The following SUGCT variants were observed in gnomAD, a reference collection of about 807,000 sequenced individuals.
The protein encoded by SUGCT is succinyl-CoA:glutarate-CoA transferase.
A neutral mutation model predicts 55.0 loss-of-function variants in SUGCT; 41 were observed. The observed-to-expected ratio is 0.74, with a 90% confidence interval of 0.58 to 0.97. The LOEUF (loss-of-function observed/expected upper bound fraction) is 0.97. Ranked by LOEUF, SUGCT falls within the 50% of genes least tolerant of loss-of-function variation. The pLI is 0.00. For missense variants in SUGCT, 568 were observed against 547.8 expected (o/e 1.04, Z -0.37); for synonymous variants, 187 against 200.4 (o/e 0.93, Z 0.56).
intron 12 of SUGCT, among the ~76,000 whole-genome samples, chr7:40,657,924 G>T (rs1801110522): frequency 1.3e-5 from 2 of 152,202 alleles, no homozygotes; most frequent in South Asian, 2.1e-4. Context: ...CAGCTCTTCA[G>T]TGATGGAGCT....
intron 8 of SUGCT, among the ~76,000 whole-genome samples, chr7:40,315,882 T>G (rs10227399): frequency 6.6e-6 from 1 of 151,906 alleles, no homozygotes. Flanking sequence ...CATAGTTCTG[T>G]GGTGGTGGAG....
At chr7:40,350,990 G>T (rs1218363018) in intron 9 of SUGCT, among the ~76,000 whole-genome samples, 1 of 152,052 alleles carries the variant, frequency 6.6e-6, no homozygotes, top group Admixed American at 6.6e-5. Flanking sequence ...TGGCTGCAAA[G>T]TATTCCATGG....
chr7:40,222,429 T>A (rs1788069520), intron 6 of SUGCT, among the ~76,000 whole-genome samples: 1 of 152,216 alleles, frequency 6.6e-6, no homozygotes, highest in South Asian at 2.1e-4. Flanking sequence ...AAGCTAGGTT[T>A]TGCAAAATGA....
At chr7:40,353,858 G>A (rs978812790) in intron 9 of SUGCT, among the ~76,000 whole-genome samples, 2 of 151,964 alleles carry the variant, frequency 1.3e-5, no homozygotes, top group Admixed American at 1.3e-4. Context: ...TACTGGGTTT[G>A]TTTCAGGCTC....
At chr7:40,587,807 A>T (rs13240811) in intron 12 of SUGCT, among the ~76,000 whole-genome samples, 3 of 152,048 alleles carry the variant, frequency 2.0e-5, no homozygotes, top group Non-Finnish European at 4.4e-5. Context: ...TATTTCACTT[A>T]TATAAATCAC....
chr7:40,342,856 A>G (rs1336262404), intron 9 of SUGCT, among the ~76,000 whole-genome samples: 4 of 152,034 alleles, frequency 2.6e-5, no homozygotes, highest in Non-Finnish European at 5.9e-5. Flanking sequence ...TTGGTCAGGC[A>G]GGTCTTGAAC....
At chr7:40,296,808 A>G (rs939844388) in intron 8 of SUGCT, among the ~76,000 whole-genome samples, 1 of 151,740 alleles carries the variant, frequency 6.6e-6, no homozygotes, top group African/African-American at 2.4e-5. Flanking sequence ...TTATTGTTGA[A>G]CCCACTTCTT....
rs560775303 is a variant in SUGCT at position 40,751,400 on chromosome 7, G to A, written c.1153+1903G>A. ...AAAGCCGGCGGTCAGGTTAGGAAGT[G>A]ATACAGGAGTTTAGGTGATAGTGTC... is the stretch of plus-strand genomic sequence containing the variant. On this transcript the variant is annotated intron_variant, in intron 13 of 13. Transcript: ENST00000335693. 6.6e-5 allele frequency among the ~76,000 whole-genome samples: 10 copies of A among 152,290 alleles called. No homozygotes were observed. The East Asian group carries it at 1.9e-3, about 29-fold the overall frequency.
At chr7:40,531,560 T>C (rs991500786) in intron 12 of SUGCT, among the ~76,000 whole-genome samples, 4 of 152,040 alleles carry the variant, frequency 2.6e-5, no homozygotes, top group Admixed American at 2.0e-4. Context: ...AAATCATAGC[T>C]CTTACTCTTA....
At chr7:40,624,114 T>G (rs1332112803) in intron 12 of SUGCT, among the ~76,000 whole-genome samples, 1 of 152,158 alleles carries the variant, frequency 6.6e-6, no homozygotes, top group Non-Finnish European at 1.5e-5. Flanking sequence ...ATTTACTGGT[T>G]ACTCTTCCTG....
intron 7 of SUGCT, among the ~76,000 whole-genome samples, chr7:40,263,145 C>T (rs911785729): frequency 3.9e-5 from 6 of 152,164 alleles, no homozygotes; most frequent in Admixed American, 1.3e-4. Context: ...TGGTCTTGAA[C>T]TCCTGACTTT....
At chr7:40,844,644 G>A (rs1269864370) in intron 13 of SUGCT, among the ~76,000 whole-genome samples, 1 of 152,188 alleles carries the variant, frequency 6.6e-6, no homozygotes, top group Non-Finnish European at 1.5e-5. Flanking sequence ...GCAACATTTC[G>A]GGTGGGAAAA....
chr7:40,294,122 A>AT (rs1236796585), intron 8 of SUGCT, among the ~76,000 whole-genome samples: 1 of 151,542 alleles, frequency 6.6e-6, no homozygotes, highest in East Asian at 1.9e-4. Flanking sequence ...TATTTTTTGT[A>AT]TTTTTAGTAG....
chr7:40,265,096 G>A lies in SUGCT; in HGVS notation c.577-9417G>A, dbSNP rs150220274. Among the ~76,000 whole-genome samples the A allele has an allele frequency of 2.0e-3, 299 of 152,092 alleles. 1 individual carries two copies. The highest frequency in any genetic ancestry group is 3.4e-3 in the Non-Finnish European group (234 of 67,996). ...TAAATGCTAGAAAAATTTATATTTC[G>A]GAAAGTGGTTTATTAAAAAATTTGT... On this transcript the variant is annotated intron_variant, in intron 7 of 13. Transcript: ENST00000335693.
rs142558041 is a variant in SUGCT at position 40,727,135 on chromosome 7, A to G, written c.1090-22299A>G. Among the ~76,000 whole-genome samples, 7 of 152,282 alleles carry G rather than the reference A, an allele frequency of 4.6e-5. No individual in the cohort carries two copies. In the East Asian group the frequency reaches 1.2e-3, roughly 25 times the overall value. ...TAAGGCAGTTACTTTTTCTCTATACAAGGATTTCTTGACCTGTGAGATTTC... is the reference window on the plus strand; with the variant it reads ...TAAGGCAGTTACTTTTTCTCTATACGAGGATTTCTTGACCTGTGAGATTTC... On this transcript the variant is annotated intron_variant, in intron 12 of 13. Transcript: ENST00000335693.
At chr7:40,184,505 T>A (rs895016442) in intron 3 of SUGCT, among the ~76,000 whole-genome samples, 5 of 151,992 alleles carry the variant, frequency 3.3e-5, no homozygotes, top group African/African-American at 1.2e-4. Flanking sequence ...TAAATTTTTT[T>A]TTTTTTTGGT....
At chr7:40,392,410 T>TA (rs1562742180) in intron 9 of SUGCT, among the ~76,000 whole-genome samples, 1 of 152,120 alleles carries the variant, frequency 6.6e-6, no homozygotes, top group Non-Finnish European at 1.5e-5. Context: ...TCATGAATCT[T>TA]AAAGTATATG....
Position 40,440,161 on chromosome 7 carries a change from T to G in SUGCT, c.817-9126T>G, listed in dbSNP as rs1355026520. ...TGTGTGTGTGTTTTTTTTTTTTTTTTTTTTTTTTTTTTTTTTAAGACTGGT... is the reference window on the plus strand; with the variant it reads ...TGTGTGTGTGTTTTTTTTTTTTTTTGTTTTTTTTTTTTTTTTAAGACTGGT... On this transcript the variant is annotated intron_variant, in intron 9 of 13. Coordinates refer to ENST00000335693, the MANE Select transcript of SUGCT (RefSeq NM_001193313.2). Among the ~76,000 whole-genome samples, 367 of 137,666 alleles carry G rather than the reference T, an allele frequency of 2.7e-3. 6 individuals are homozygous for G. Among genetic ancestry groups the G allele is most frequent in the African/African-American group, 8.7e-3 (311 of 35,754 alleles). The allele number at this position is 137,666 out of a possible 152,430, so 90.3% of individuals were successfully genotyped here.
chr7:40,854,032 A>G (rs932993231), intron 13 of SUGCT, among the ~76,000 whole-genome samples: 3 of 152,240 alleles, frequency 2.0e-5, no homozygotes, highest in East Asian at 3.8e-4. Flanking sequence ...GTGCTACTCA[A>G]ATGAATGTTC....
Sources: allele counts gnomAD v4.1 joint callset (sites outside exome capture counted in the v4.1 genomes callset), GRCh38; gene constraint gnomAD v4.1.1; transcripts MANE v1.5; gene names NCBI Gene and HGNC (gene_info 2026-07-23, HGNC 2026-07-21).